Variants in OSBPL9 observed in about 807,000 individuals in gnomAD.
The protein encoded by OSBPL9 is oxysterol-binding protein-related protein 9.
A neutral mutation model predicts 106.6 loss-of-function variants in OSBPL9; 40 were observed. The observed-to-expected ratio is 0.38, with a 90% confidence interval of 0.29 to 0.49. The LOEUF is 0.49. Ranked by LOEUF, OSBPL9 falls within the 20% of genes least tolerant of loss-of-function variation. OSBPL9 has a pLI of 0.97. For missense variants in OSBPL9, 609 were observed against 887.2 expected (o/e 0.69, Z 3.98); for synonymous variants, 269 against 295.4 (o/e 0.91, Z 0.92).
chr1:51,632,978 C>G (rs1292693488), intron 1 of OSBPL9, among the ~76,000 whole-genome samples: 1 of 151,940 alleles, frequency 6.6e-6, no homozygotes, highest in East Asian at 1.9e-4. Context: ...AAATACTTTT[C>G]TCTTTTTTTT....
chr1:51,716,980 T>A (rs990428114), intron 4 of OSBPL9, among the ~76,000 whole-genome samples: 2 of 152,042 alleles, frequency 1.3e-5, no homozygotes, highest in African/African-American at 4.8e-5. Flanking sequence ...CTCATTGTAT[T>A]TATATGTCCT....
chr1:51,526,169 A>C, the OSBPL9 span, among the ~76,000 whole-genome samples: 1 of 152,088 alleles, frequency 6.6e-6, no homozygotes, highest in African/African-American at 2.4e-5. Context: ...GAACAACTGC[A>C]CTCTGCCTGA....
upstream of OSBPL9, among the ~76,000 whole-genome samples, chr1:51,612,448 A>C (rs1643995167): frequency 1.3e-5 from 2 of 152,164 alleles, no homozygotes; most frequent in Non-Finnish European, 2.9e-5. Flanking sequence ...TTTTTCTGCT[A>C]TGCATCAGCT....
rs1666614781 is a variant in OSBPL9 at position 51,740,280 on chromosome 1, T to C, written c.319-5256T>C. 3 of 1,403,428 alleles carry C rather than the reference T, an allele frequency of 2.1e-6. No homozygotes were observed. The Admixed American group carries it at 1.0e-4, about 47-fold the overall frequency. 86.9% of individuals were successfully genotyped at this position (1,403,428 alleles called of 1,614,324 possible). ...GATGAAAGCTTATCTGTGATGCATGTCATCTCAAATTGCTAATTGTGAACA... is the reference window on the plus strand; with the variant it reads ...GATGAAAGCTTATCTGTGATGCATGCCATCTCAAATTGCTAATTGTGAACA... On this transcript the variant is annotated intron_variant, in intron 4 of 23. Coordinates refer to ENST00000428468, the MANE Select transcript of OSBPL9 (RefSeq NM_024586.6).
At chr1:51,626,966 A>C (rs1324625410) in intron 1 of OSBPL9, among the ~76,000 whole-genome samples, 5 of 152,152 alleles carry the variant, frequency 3.3e-5, no homozygotes, top group African/African-American at 1.2e-4. Flanking sequence ...TTTAGCTATA[A>C]TGGGTAGGTC....
chr1:51,788,391 A>C lies in OSBPL9; in HGVS notation c.*602A>C, dbSNP rs1299154587. 6.6e-6 allele frequency: 1 copy of C among 152,632 alleles called. No individual in the cohort carries two copies. Among genetic ancestry groups the C allele is most frequent in the Non-Finnish European group, 1.5e-5 (1 of 68,050 alleles). The allele number at this position is 152,632 out of a possible 1,614,324, so 9.5% of individuals were successfully genotyped here. A position where few individuals can be genotyped will look rare whatever the true frequency, so the allele number is the denominator to read the frequency against. On this transcript the variant is annotated 3_prime_UTR_variant, in exon 24 of 24. Transcript: ENST00000428468. ...TTGAACTATTATTAAATTGTATCTA[A>C]TCCTGGATTACAGTTTAATTAATTA...
At chr1:51,591,484 A>G (rs193260477) in intron 1 of OSBPL9, among the ~76,000 whole-genome samples, 1 of 152,362 alleles carries the variant, frequency 6.6e-6, no homozygotes, top group African/African-American at 2.4e-5. Context: ...GTTTTGTCTT[A>G]GACATGTGAA....
chr1:51,621,267 C>T (rs1299734792), intron 1 of OSBPL9, among the ~76,000 whole-genome samples: 6 of 152,056 alleles, frequency 3.9e-5, no homozygotes, highest in Admixed American at 6.6e-5. Flanking sequence ...CTTGGGAGGC[C>T]GAGGCGGGGA....
At chr1:51,787,560 T>C in intron 23 of OSBPL9, 72 bp downstream of exon 23, 3 of 1,607,094 alleles carry the variant, frequency 1.9e-6, no homozygotes, top group South Asian at 1.1e-5. Context: ...GAAGAAGTGA[T>C]GTGCCAAACA....
At chr1:51,539,146 G>C in the OSBPL9 span, among the ~76,000 whole-genome samples, 2 of 152,022 alleles carry the variant, frequency 1.3e-5, no homozygotes, top group African/African-American at 4.8e-5. Context: ...CTGTCTAATA[G>C]ACATCCACTT....
At chr1:51,654,505 A>G (rs1350988613) in intron 2 of OSBPL9, among the ~76,000 whole-genome samples, 1 of 152,320 alleles carries the variant, frequency 6.6e-6, no homozygotes, top group African/African-American at 2.4e-5. Context: ...ATGTGTTTAT[A>G]TGTATATTTC....
chr1:51,610,317 G>A (rs367938536), intron 2 of OSBPL9, among the ~76,000 whole-genome samples: 13 of 151,888 alleles, frequency 8.6e-5, no homozygotes, highest in Non-Finnish European at 1.6e-4. Context: ...GCTGGACTGC[G>A]GTGGCGCAAT....
At chr1:51,543,662 T>G in the OSBPL9 span, among the ~76,000 whole-genome samples, 1 of 152,228 alleles carries the variant, frequency 6.6e-6, no homozygotes, top group Non-Finnish European at 1.5e-5. Context: ...CCCAAAGTGC[T>G]GGGATTACAG....
At chr1:51,663,731 A>G (rs763898735) in intron 2 of OSBPL9, among the ~76,000 whole-genome samples, 7 of 152,248 alleles carry the variant, frequency 4.6e-5, no homozygotes, top group Admixed American at 6.5e-5. Context: ...AGAAGTAGAT[A>G]CTTGCTTAAT....
rs528947130 is a variant in OSBPL9, at chr1:51,784,510, A to G, written c.1757A>G (p.Tyr586Cys). The change falls in exon 20 of 24, where the codon TAT becomes TGT. Residue 586 changes from tyrosine to cysteine, a missense_variant. Transcript: ENST00000428468. ...AATATTAATTGTTCCAAAACAGGCT[A>G]TAGTGCAAATATCATCTTCCACACT... is the stretch of plus-strand genomic sequence containing the variant. The part of the protein sequence containing the change: ...ECNINCSKTG[Y>C]SANIIFHTKP... 34 of 1,613,512 alleles carry G rather than the reference A, an allele frequency of 2.1e-5. No homozygotes were observed. The South Asian group carries it at 3.1e-4, about 15-fold the overall frequency.
chr1:51,599,068 C>T (rs7527695), intron 2 of OSBPL9, among the ~76,000 whole-genome samples: 11,669 of 151,958 alleles, frequency 0.077, 600 homozygotes, highest in Middle Eastern at 0.16. Flanking sequence ...AGCAACTTAG[C>T]TCAGCATGGT....
chr1:51,678,221 C>T (rs1651744662), intron 3 of OSBPL9, among the ~76,000 whole-genome samples: 1 of 151,848 alleles, frequency 6.6e-6, no homozygotes, highest in African/African-American at 2.4e-5. Flanking sequence ...AATTGGTTTA[C>T]AAATTTATTT....
At chr1:51,662,463 G>T (rs1360320021) in intron 2 of OSBPL9, among the ~76,000 whole-genome samples, 1 of 152,148 alleles carries the variant, frequency 6.6e-6, no homozygotes, top group Non-Finnish European at 1.5e-5. Flanking sequence ...AGCATGCTGG[G>T]TTTAGATGCA....
intron 8 of OSBPL9, among the ~76,000 whole-genome samples, chr1:51,754,529 A>G (rs1381802077): frequency 6.6e-6 from 1 of 152,214 alleles, no homozygotes; most frequent in Non-Finnish European, 1.5e-5. Flanking sequence ...GCAAATAAAT[A>G]CTGTTGATTA....
Sources: gnomAD v4.1 joint callset for allele counts (sites outside exome capture counted in the v4.1 genomes callset) on GRCh38, gnomAD v4.1.1 for gene constraint, MANE v1.5 for transcripts, NCBI Gene and HGNC (gene_info 2026-07-23, HGNC 2026-07-21) for gene names.